Variants in NECAB3 observed in about 807,000 individuals in gnomAD.
The protein encoded by NECAB3 is N-terminal EF-hand calcium-binding protein 3.
A neutral mutation model predicts 57.2 loss-of-function variants in NECAB3; 38 were observed. The ratio of observed to expected loss-of-function variants is 0.66; its 90% confidence interval spans 0.51 to 0.87. The LOEUF is 0.87. NECAB3 is among the 40% of genes least tolerant of loss of function. NECAB3 has a pLI of 0.00. For missense variants in NECAB3, 474 were observed against 527.5 expected (o/e 0.90, Z 0.99); for synonymous variants, 223 against 222.6 (o/e 1.00, Z -0.02).
At chr20:33,663,902 G>A (rs1007110745) in intron 5 of NECAB3, 6 of 1,366,058 alleles carry the variant, frequency 4.4e-6, no homozygotes, top group Middle Eastern at 2.6e-4. Context: ...TAAAGAGTGC[G>A]TGGCAACCCT....
intron 5 of NECAB3, chr20:33,663,922 G>A: frequency 2.2e-6 from 3 of 1,345,608 alleles, no homozygotes; most frequent in South Asian, 1.7e-5. Flanking sequence ...TGGCGCCTGC[G>A]AACCCTGTCG....
chr20:33,672,092 G>A (rs761346542), intron 2 of NECAB3: 52 of 462,316 alleles, frequency 1.1e-4, no homozygotes, highest in Non-Finnish European at 1.8e-4. Context: ...TTCCAATCTA[G>A]CTGGTGGTTG....
chr20:33,669,795 A>G, intron 3 of NECAB3, 83 bp from the exon 4 acceptor site: 6 of 1,433,828 alleles, frequency 4.2e-6, no homozygotes, highest in Non-Finnish European at 5.6e-6. Flanking sequence ...ATCCCACCCC[A>G]CCAACTCCCA....
Position 33,657,877 on chromosome 20 carries a change from G to GGTCAGGAGCC in NECAB3, c.1163-30_1163-21dup. 6.5e-7 allele frequency: 1 copy of GGTCAGGAGCC among 1,545,932 alleles called. No individual in the cohort carries two copies. Among genetic ancestry groups the GGTCAGGAGCC allele is most frequent in the Non-Finnish European group, 8.7e-7 (1 of 1,143,516 alleles). On this transcript the variant is annotated intron_variant, in intron 11 of 11. Coordinates refer to ENST00000246190, the MANE Select transcript of NECAB3 (RefSeq NM_031232.4). ...AGGAGGCTGGGGGTCAGAGGCAGGGGGTCAGGAGCCCTCAGGAGCCCACTG... is the reference window on the plus strand; with the variant it reads ...AGGAGGCTGGGGGTCAGAGGCAGGGGGTCAGGAGCCGTCAGGAGCCCTCAGGAGCCCACTG...
Position 33,658,464 on chromosome 20 carries a change from C to G in NECAB3, c.1070+13G>C, listed in dbSNP as rs766451476. ...ACATTCCATGGTGTTAGCGGCCAGACTGGCACTCATACCTTCTCCAGGAGG... is the reference window on the plus strand; with the variant it reads ...ACATTCCATGGTGTTAGCGGCCAGAGTGGCACTCATACCTTCTCCAGGAGG... On this transcript the variant is annotated intron_variant, in intron 10 of 11. Coordinates refer to ENST00000246190, the MANE Select transcript of NECAB3 (RefSeq NM_031232.4). 10 of 1,613,406 alleles carry G rather than the reference C, an allele frequency of 6.2e-6. No homozygotes were observed. Among genetic ancestry groups the G allele is most frequent in the Non-Finnish European group, 8.5e-6 (10 of 1,179,456 alleles).
chr20:33,660,700 G>A lies in NECAB3; in HGVS notation c.388-305C>T, dbSNP rs2017444613. 1.3e-5 allele frequency among the ~76,000 whole-genome samples: 2 copies of A among 152,160 alleles called. No homozygotes were observed. The highest frequency in any genetic ancestry group is 4.1e-4 in the South Asian group (2 of 4,830). ...TGATGGGGCTACCACCTTCAGCACT[G>A]TCATAGCCAGTGAGTCCCAGCCACA... On this transcript the variant is annotated intron_variant, in intron 5 of 11. Coordinates refer to ENST00000246190, the MANE Select transcript of NECAB3 (RefSeq NM_031232.4). The surrounding 1 kb of genome is among the most constrained non-coding windows in gnomAD (Gnocchi z 4.1).
chr20:33,664,786 C>G (rs1192941059), intron 5 of NECAB3: 2 of 152,370 alleles, frequency 1.3e-5, no homozygotes, highest in Non-Finnish European at 2.9e-5. Context: ...CTTCCTGCCA[C>G]ACTCTGGTGA....
intron 5 of NECAB3, chr20:33,664,016 C>G: frequency 1.6e-6 from 1 of 642,118 alleles, no homozygotes; most frequent in Non-Finnish European, 2.4e-6. Flanking sequence ...GAAGGCAGAG[C>G]CATCGCCACG....
intron 5 of NECAB3, chr20:33,662,556 G>A: frequency 1.4e-6 from 2 of 1,452,130 alleles, no homozygotes; most frequent in Non-Finnish European, 1.9e-6. Context: ...GGGATGCTGG[G>A]AGTCTAGGCC....
intron 5 of NECAB3, chr20:33,667,646 G>GCA (rs1568899935): frequency 6.2e-7 from 1 of 1,608,064 alleles, no homozygotes; most frequent in Non-Finnish European, 8.5e-7. Context: ...GTGGCAGGCA[G>GCA]CACCCTGTCG....
At position 33,657,763 on chromosome 20, in the gene NECAB3, C is replaced by A. The variant is rs2017329101; in HGVS notation, c.*66G>T. 1 of 1,456,346 alleles carries A rather than the reference C, an allele frequency of 6.9e-7. No individual in the cohort carries two copies. The highest frequency in any genetic ancestry group is 1.4e-5 in the African/African-American group (1 of 70,304). 90.2% of individuals were successfully genotyped at this position (1,456,346 alleles called of 1,614,324 possible). On this transcript the variant is annotated 3_prime_UTR_variant, in exon 12 of 12. Transcript: ENST00000246190. ...AGTCCTGGTCTTTGCGCTGGGCTGG[C>A]CAGTCCAGAAGGCTCCAGAGGGAGG...
intron 1 of NECAB3, among the ~76,000 whole-genome samples, chr20:33,673,779 G>T (rs955483577): frequency 3.9e-5 from 6 of 152,152 alleles, no homozygotes; most frequent in African/African-American, 1.2e-4. Context: ...CCCATGGGAG[G>T]GTGACTCTGA....
chr20:33,670,884 T>A, intron 2 of NECAB3, 92 bp from the exon 3 acceptor site: 1 of 843,826 alleles, frequency 1.2e-6, no homozygotes, highest in Non-Finnish European at 1.9e-6. Flanking sequence ...AAAGGCCTCA[T>A]AGCATCTGAC....
chr20:33,658,731 T>C lies in NECAB3; in HGVS notation c.983A>G (p.His328Arg). The C allele has an allele frequency of 1.2e-6, 2 of 1,613,470 alleles. No individual in the cohort carries two copies. The highest frequency in any genetic ancestry group is 1.7e-6 in the Non-Finnish European group (2 of 1,179,798). Residue 328 changes from histidine to arginine, a missense_variant, in exon 9 of 12, where the codon CAT becomes CGT. His to Arg is a conservative substitution (Grantham distance 29). Transcript: ENST00000246190. Reference sequence around the variant, plus strand: ...CCAGCTGGGGACTCACTGCAGACAATGGCTCTGGGCCCCTGTGAAGTCCAC... The same window carrying C: ...CCAGCTGGGGACTCACTGCAGACAACGGCTCTGGGCCCCTGTGAAGTCCAC... ...CYVDFTGAQSHCLHVSAQKML... is the reference protein window; with the variant it reads ...CYVDFTGAQSRCLHVSAQKML...
intron 2 of NECAB3, among the ~76,000 whole-genome samples, chr20:33,671,003 C>T (rs924105362): frequency 6.6e-6 from 1 of 152,216 alleles, no homozygotes; most frequent in Non-Finnish European, 1.5e-5. Flanking sequence ...ACAGAACCTA[C>T]TTTGCAGGCA....
At chr20:33,663,707 G>C (rs770725346) in intron 5 of NECAB3, 3 of 1,538,046 alleles carry the variant, frequency 2.0e-6, no homozygotes, top group African/African-American at 1.8e-5. Context: ...CTGCTGCGGC[G>C]GCAAGAGGCG....
At chr20:33,663,556 C>A (rs2017549885) in intron 5 of NECAB3, 28 of 1,611,230 alleles carry the variant, frequency 1.7e-5, no homozygotes, top group Non-Finnish European at 2.2e-5. Flanking sequence ...GATTCTCCCC[C>A]TGGACAAGCG....
At chr20:33,667,633 A>C in intron 5 of NECAB3, 2 of 1,605,726 alleles carry the variant, frequency 1.2e-6, no homozygotes, top group East Asian at 4.5e-5. Flanking sequence ...CTTCCGACTG[A>C]ACGTGGCAGG....
chr20:33,667,369 G>A (rs1400773927), intron 5 of NECAB3: 8 of 1,222,114 alleles, frequency 6.5e-6, no homozygotes, highest in African/African-American at 1.6e-5. Context: ...GCGCCTGCTG[G>A]TGGGCGGCCT....
Sources: allele counts gnomAD v4.1 joint callset (sites outside exome capture counted in the v4.1 genomes callset), GRCh38; gene constraint gnomAD v4.1.1; non-coding constraint Gnocchi (gnomAD v3.1); transcripts MANE v1.5; gene names NCBI Gene and HGNC (gene_info 2026-07-23, HGNC 2026-07-21).